The following PTCD3 variants were observed in gnomAD, a reference collection of about 807,000 sequenced individuals.
PTCD3 encodes small ribosomal subunit protein mS39.
PTCD3 carries 89 observed loss-of-function variants against 101.9 expected under a neutral mutation model. The observed-to-expected ratio is 0.87, with a 90% confidence interval of 0.74 to 1.04. PTCD3 has a LOEUF of 1.04. Ranked by LOEUF, PTCD3 falls within the 50% of genes least tolerant of loss-of-function variation. The probability of loss-of-function intolerance (pLI) is 0.00; values close to 1 mark genes in which losing one functional copy is unlikely to be tolerated. For synonymous variants in PTCD3, 296 were observed against 278.5 expected (o/e 1.06, Z -0.63); for missense variants, 870 against 828.2 (o/e 1.05, Z -0.62).
At position 86,133,266 on chromosome 2, in the gene PTCD3, T is replaced by C. The variant is rs1422772607; in HGVS notation, c.1452+10T>C. The C allele has an allele frequency of 1.2e-6, 2 of 1,614,078 alleles. No individual in the cohort carries two copies. The highest frequency in any genetic ancestry group is 4.5e-5 in the East Asian group (2 of 44,866). On this transcript the variant is annotated intron_variant, in intron 18 of 23. Coordinates refer to ENST00000254630, the MANE Select transcript of PTCD3 (RefSeq NM_017952.6). ...GGACCTGATACCTTCAGTAAGATGG[T>C]TCATTACTTGTTATTTATCATTCTA...
intron 4 of PTCD3, among the ~76,000 whole-genome samples, chr2:86,115,054 G>A (rs927117979): frequency 5.9e-5 from 9 of 152,172 alleles, no homozygotes; most frequent in African/African-American, 2.2e-4. Flanking sequence ...CATACTCCCA[G>A]AAGGGAAGCA....
At position 86,106,253 on chromosome 2, in the gene PTCD3, G is replaced by T. The variant is rs61731720; in HGVS notation, c.6G>T (p.Ala2=). The change falls in exon 1 of 24, where the codon GCG becomes GCT. Residue 2 remains alanine, a synonymous_variant. Coordinates refer to ENST00000254630, the MANE Select transcript of PTCD3 (RefSeq NM_017952.6). M[A]VVSAVRWLGL... Reference sequence around the variant, plus strand: ...GCTCTGCAGAGAAATCAAAGATGGCGGTTGTATCTGCTGTTCGCTGGCTGG... The same window carrying T: ...GCTCTGCAGAGAAATCAAAGATGGCTGTTGTATCTGCTGTTCGCTGGCTGG... 1.3e-3 allele frequency: 2,141 copies of T among 1,613,954 alleles called. 19 individuals are homozygous for T. In the African/African-American group the frequency reaches 0.022, roughly 16 times the overall value.
rs768608688 is a variant in PTCD3, at chr2:86,106,275, C to A, written c.28C>A (p.Leu10Met). The A allele has an allele frequency of 2.5e-6, 4 of 1,613,860 alleles. No homozygotes were observed. In the Admixed American group the frequency reaches 6.7e-5, roughly 27 times the overall value. Residue 10 changes from leucine to methionine, a missense_variant, in exon 1 of 24, where the codon CTG becomes ATG. Transcript: ENST00000254630. The part of the protein sequence containing the change: MAVVSAVRW[L>M]GLRSRLGQPL... ...GGCGGTTGTATCTGCTGTTCGCTGGCTGGGCCTCCGCAGCAGGCTTGGCCA... is the reference window on the plus strand; with the variant it reads ...GGCGGTTGTATCTGCTGTTCGCTGGATGGGCCTCCGCAGCAGGCTTGGCCA...
At position 86,111,188 on chromosome 2, in the gene PTCD3, C is replaced by T. The variant is rs777672761; in HGVS notation, c.240+30C>T. 3.1e-6 allele frequency: 5 copies of T among 1,587,614 alleles called. No homozygotes were observed. In the African/African-American group the frequency reaches 6.8e-5, roughly 21 times the overall value. On this transcript the variant is annotated intron_variant, in intron 4 of 23. Transcript: ENST00000254630. ...GTAGGATTTTGTGTTTTTTTTTAAC[C>T]TAAAACTTGGCTAATAACACACTTT...
At position 86,108,401 on chromosome 2, in the gene PTCD3, A is replaced by G; in HGVS notation, c.156A>G (p.Thr52=). The change falls in exon 2 of 24, where the codon ACA becomes ACG. Residue 52 remains threonine, a splice_region_variant and synonymous_variant. Coordinates refer to ENST00000254630, the MANE Select transcript of PTCD3 (RefSeq NM_017952.6). ...CAAAGGTTGAAGGAACTGATGTAAC[A>G]GGTATATTTTAAAATATATTGAATT... ...TLSKVEGTDV[T]GIEEVVIPKK... The G allele has an allele frequency of 6.2e-7, 1 of 1,605,514 alleles. No homozygotes were observed. The highest frequency in any genetic ancestry group is 1.1e-5 in the South Asian group (1 of 89,258).
intron 8 of PTCD3, among the ~76,000 whole-genome samples, chr2:86,122,830 T>C (rs1674315887): frequency 1.3e-5 from 2 of 152,244 alleles, no homozygotes; most frequent in Admixed American, 1.3e-4. Context: ...GTTGGCCCTC[T>C]GCCTCTCCAG....
rs1280428411 is a variant in PTCD3, at chr2:86,121,557, A to G, written c.617A>G (p.Asp206Gly). 6.2e-7 allele frequency: 1 copy of G among 1,610,630 alleles called. No homozygotes were observed. Among genetic ancestry groups the G allele is most frequent in the Non-Finnish European group, 8.5e-7 (1 of 1,178,558 alleles). Residue 206 changes from aspartate to glycine, a missense_variant, in exon 8 of 24, where the codon GAT (aspartate) becomes GGT (glycine). Transcript: ENST00000254630. Reference protein sequence around the residue: ...CYYGDQEPSTDYHFQQTGQSE... With the variant: ...CYYGDQEPSTGYHFQQTGQSE... ...TATGGTGACCAGGAGCCCTCAACTG[A>G]TTACCATTTTCAACAAACTGGACAG...
intron 10 of PTCD3, 74 bp from the exon 11 acceptor site, chr2:86,125,380 CA>C (rs1674364996): frequency 6.8e-7 from 1 of 1,467,456 alleles, no homozygotes; most frequent in African/African-American, 1.4e-5. Flanking sequence ...GCTATATTAC[CA>C]AACTCTAGGA....
chr2:86,127,981 T>A lies in PTCD3; in HGVS notation c.1137T>A (p.Phe379Leu). The part of the protein sequence containing the change: ...LATYHHIIRL[F>L]DQPGDPLKRS... ...CATATCACCATATTATTCGCCTGTT[T>A]GATCAACCTGGTATGTATGGCCTTA... Residue 379 changes from phenylalanine (F) to leucine (L), a missense_variant, in exon 14 of 24, where the codon TTT becomes TTA. Physicochemically the swap from Phe to Leu is conservative, Grantham distance 22. Transcript: ENST00000254630. The A allele has an allele frequency of 1.2e-6, 2 of 1,607,442 alleles. No homozygotes were observed. Among genetic ancestry groups the A allele is most frequent in the Non-Finnish European group, 1.7e-6 (2 of 1,174,024 alleles).
intron 9 of PTCD3, 92 bp from the exon 10 acceptor site, chr2:86,124,903 T>C: frequency 6.7e-7 from 1 of 1,489,712 alleles, no homozygotes; most frequent in Non-Finnish European, 9.0e-7. Context: ...ACTTGGCACA[T>C]TGCCTAGAAC....
At chr2:86,123,047 C>G (rs1674319800) in intron 8 of PTCD3, among the ~76,000 whole-genome samples, 1 of 152,052 alleles carries the variant, frequency 6.6e-6, no homozygotes, top group South Asian at 2.1e-4. Context: ...ATCATGAGGT[C>G]AGGAGATCGA....
Position 86,111,174 on chromosome 2 carries a change from T to TG in PTCD3, c.240+17dup, listed in dbSNP as rs1365991936. 3 of 1,609,036 alleles carry TG rather than the reference T, an allele frequency of 1.9e-6. No individual in the cohort carries two copies. The highest frequency in any genetic ancestry group is 2.2e-5 in the East Asian group (1 of 44,784). On this transcript the variant is annotated intron_variant, in intron 4 of 23. Transcript: ENST00000254630. ...AGTAAACAGGGTAAGTAGGATTTTG[T>TG]GTTTTTTTTTAACCTAAAACTTGGC...
chr2:86,132,122 T>A (rs1355996797), intron 16 of PTCD3, among the ~76,000 whole-genome samples, 196 bp from the exon 17 acceptor site: 1 of 152,224 alleles, frequency 6.6e-6, no homozygotes, highest in African/African-American at 2.4e-5. Context: ...TATAATTGCT[T>A]AATTAAAATA....
intron 8 of PTCD3, among the ~76,000 whole-genome samples, chr2:86,122,271 A>C (rs1437992428): frequency 6.6e-6 from 1 of 152,270 alleles, no homozygotes; most frequent in Admixed American, 6.5e-5. Context: ...GCAGGCTATC[A>C]GCAGTATATA....
intron 10 of PTCD3, 31 bp downstream of exon 10, chr2:86,125,113 A>C: frequency 1.2e-6 from 2 of 1,610,352 alleles, no homozygotes; most frequent in South Asian, 2.2e-5. Context: ...TTTGTCTTTC[A>C]TTTCCACCGA....
chr2:86,110,974 C>G, intron 3 of PTCD3, 139 bp from the exon 4 acceptor site: 1 of 826,384 alleles, frequency 1.2e-6, no homozygotes, highest in East Asian at 2.5e-5. Context: ...CTAATTTATT[C>G]TAGTGACCTT....
intron 16 of PTCD3, among the ~76,000 whole-genome samples, chr2:86,131,644 G>A (rs890604054): frequency 6.6e-6 from 1 of 152,166 alleles, no homozygotes; most frequent in Non-Finnish European, 1.5e-5. Context: ...AGTTAAAATT[G>A]ATAATGGTTT....
intron 17 of PTCD3, 87 bp from the exon 18 acceptor site, chr2:86,133,091 T>C (rs1266512178): frequency 1.2e-5 from 18 of 1,504,124 alleles, no homozygotes; most frequent in African/African-American, 1.4e-5. Context: ...CTTTGTAACA[T>C]ATAATATGCT....
chr2:86,106,389 G>A (rs1673947358), intron 1 of PTCD3, 38 bp downstream of exon 1: 1 of 1,595,734 alleles, frequency 6.3e-7, no homozygotes, highest in Non-Finnish European at 8.6e-7. Flanking sequence ...GAAGACCGCG[G>A]AGTCACCTTA....
Sources: allele counts gnomAD v4.1 joint callset (sites outside exome capture counted in the v4.1 genomes callset), GRCh38; gene constraint gnomAD v4.1.1; transcripts MANE v1.5; gene names NCBI Gene and HGNC (gene_info 2026-07-23, HGNC 2026-07-21).